The following PARVB variants were observed in gnomAD, a reference collection of about 807,000 sequenced individuals.
PARVB encodes the protein beta-parvin.
A neutral mutation model predicts 47.0 loss-of-function variants in PARVB; 46 were observed. The ratio of observed to expected loss-of-function variants is 0.98; its 90% confidence interval spans 0.77 to 1.25. PARVB has a LOEUF of 1.25. PARVB is among the 50% of genes most tolerant of loss of function. The pLI is 0.00. For synonymous variants in PARVB, 196 were observed against 196.3 expected (o/e 1.00, Z 0.01); for missense variants, 473 against 471.6 (o/e 1.00, Z -0.03).
chr22:44,065,997 G>A (rs2051515819), intron 1 of PARVB, among the ~76,000 whole-genome samples: 2 of 152,094 alleles, frequency 1.3e-5, no homozygotes, highest in Non-Finnish European at 2.9e-5. Context: ...TTTGTCTGAT[G>A]ACTTCTTTTC....
chr22:44,148,095 G>A (rs971178272), intron 9 of PARVB, 173 bp downstream of exon 9: 37 of 633,662 alleles, frequency 5.8e-5, no homozygotes, highest in Middle Eastern at 4.2e-4. Context: ...TAAAATCAGC[G>A]CCTTTTAACT....
At chr22:44,140,711 C>T (rs1443904690) in intron 8 of PARVB, 4 of 428,104 alleles carry the variant, frequency 9.3e-6, no homozygotes, top group African/African-American at 2.0e-5. Flanking sequence ...GCAGGGGCTG[C>T]TGTGAGTATT....
chr22:44,004,747 C>T (rs113952374), intron 2 of PARVB, among the ~76,000 whole-genome samples: 9 of 152,306 alleles, frequency 5.9e-5, no homozygotes, highest in African/African-American at 2.2e-4. Context: ...CTGGTGATCA[C>T]CTTAATTTAA....
chr22:44,050,553 G>C lies in PARVB; in HGVS notation c.112+26102G>C, dbSNP rs928263968. On this transcript the variant is annotated intron_variant, in intron 1 of 12. Coordinates refer to ENST00000338758, the MANE Select transcript of PARVB (RefSeq NM_013327.5). ...GGGTTTCTCCATGTTGGTCAGGCTG[G>C]TCTCGAACTCCTGACCCCAGGTGAT... 3.9e-5 allele frequency among the ~76,000 whole-genome samples: 6 copies of C among 152,044 alleles called. No individual in the cohort carries two copies. In the East Asian group the frequency reaches 1.2e-3, roughly 29 times the overall value.
intron 9 of PARVB, 108 bp downstream of exon 9, chr22:44,148,030 A>T (rs1374972768): frequency 1.3e-5 from 11 of 865,360 alleles, no homozygotes; most frequent in Non-Finnish European, 2.1e-5. Context: ...AATCTCAGAA[A>T]TGTTTGCCAC....
chr22:44,140,369 G>C, intron 8 of PARVB: 1 of 711,644 alleles, frequency 1.4e-6, no homozygotes, highest in Admixed American at 1.9e-5. Context: ...GGAGGAGTGG[G>C]GTGGAAGGCT....
chr22:44,068,333 G>A lies in PARVB; in HGVS notation c.113-25595G>A, dbSNP rs1229558030. ...GGAACCCAGACCAGACAGAGAGCCC[G>A]CCTGTGTCACCTGGTAGGGAGGGGC... On this transcript the variant is annotated intron_variant, in intron 1 of 12. Coordinates refer to ENST00000338758, the MANE Select transcript of PARVB (RefSeq NM_013327.5). This position sits in a 1 kb window ranked among gnomAD's most constrained non-coding sequence, Gnocchi z 4.1. Among the ~76,000 whole-genome samples, 6 of 152,182 alleles carry A rather than the reference G, an allele frequency of 3.9e-5. No homozygotes were observed. Among genetic ancestry groups the A allele is most frequent in the Non-Finnish European group, 5.9e-5 (4 of 68,032 alleles).
intron 1 of PARVB, among the ~76,000 whole-genome samples, chr22:44,062,738 C>T (rs2896024): frequency 0.37 from 56,131 of 152,022 alleles, 10,927 homozygotes; most frequent in Middle Eastern, 0.51. Context: ...CAGGAGGAGG[C>T]ACACAGGGTG....
rs972478979 is a variant in PARVB at position 44,125,735 on chromosome 22, T to C, written c.377-5752T>C. Among the ~76,000 whole-genome samples the C allele has an allele frequency of 2.6e-5, 4 of 152,026 alleles. No individual in the cohort carries two copies. The highest frequency in any genetic ancestry group is 5.9e-5 in the Non-Finnish European group (4 of 68,006). Reference sequence around the variant, plus strand: ...GTCTATTCCAAGTGACAGGAAGCCATTGGAGGTTTTGGGTAGGGCTGTGAC... The same window carrying C: ...GTCTATTCCAAGTGACAGGAAGCCACTGGAGGTTTTGGGTAGGGCTGTGAC... On this transcript the variant is annotated intron_variant, in intron 4 of 12. Coordinates refer to ENST00000338758, the MANE Select transcript of PARVB (RefSeq NM_013327.5). This position sits in a 1 kb window ranked among gnomAD's most constrained non-coding sequence, Gnocchi z 4.1.
At chr22:44,167,695 GGGTGTGTCCCC>G (rs2054198687) in intron 12 of PARVB, among the ~76,000 whole-genome samples, 1 of 59,728 alleles carries the variant, frequency 1.7e-5, no homozygotes, top group South Asian at 7.6e-4. Flanking sequence ...ACAGAGCCCC[GGGTGTGTCCCC>G]AAGCCCGCCG....
chr22:44,013,140 C>T (rs1569049022), intron 2 of PARVB, among the ~76,000 whole-genome samples: 1 of 152,070 alleles, frequency 6.6e-6, no homozygotes, highest in South Asian at 2.1e-4. Context: ...TCAGGTGATC[C>T]GTCTGCCTCG....
At chr22:44,119,268 C>A in intron 4 of PARVB, 128 bp downstream of exon 4, 1 of 706,968 alleles carries the variant, frequency 1.4e-6, no homozygotes, top group Non-Finnish European at 2.5e-6. Context: ...CTGCAGTGTG[C>A]ATCTCCCAGG....
intron 1 of PARVB, among the ~76,000 whole-genome samples, chr22:44,043,403 G>T (rs2051054444): frequency 6.6e-6 from 1 of 152,078 alleles, no homozygotes; most frequent in Non-Finnish European, 1.5e-5. Context: ...TTTTGAGACG[G>T]AGTCTTGCTC....
intron 1 of PARVB, among the ~76,000 whole-genome samples, chr22:44,077,242 T>C (rs933334240): frequency 6.6e-6 from 1 of 152,174 alleles, no homozygotes; most frequent in Admixed American, 6.5e-5. Context: ...CTTGGCCTCT[T>C]CCAGGCTGTG....
At chr22:44,066,183 G>A (rs2051519734) in intron 1 of PARVB, among the ~76,000 whole-genome samples, 2 of 152,160 alleles carry the variant, frequency 1.3e-5, no homozygotes, top group Non-Finnish European at 2.9e-5. Flanking sequence ...CACCATCCAA[G>A]TTACCGTTTT....
chr22:44,045,931 G>A lies in PARVB; in HGVS notation c.112+21480G>A, dbSNP rs148546630. Reference sequence around the variant, plus strand: ...CGAGATTCCGTATGAGTTTTAGGGCGTGATTTTCTATTTCTGCAACGAGCC... The same window carrying A: ...CGAGATTCCGTATGAGTTTTAGGGCATGATTTTCTATTTCTGCAACGAGCC... On this transcript the variant is annotated intron_variant, in intron 1 of 12. Transcript: ENST00000338758. Among the ~76,000 whole-genome samples the A allele has an allele frequency of 2.6e-4, 39 of 152,272 alleles. No homozygotes were observed. In the East Asian group the frequency reaches 6.4e-3, roughly 25 times the overall value.
chr22:44,039,995 A>G (rs1410917563), intron 1 of PARVB: 2 of 363,448 alleles, frequency 5.5e-6, no homozygotes, highest in South Asian at 2.0e-5. Flanking sequence ...CACTTTTACA[A>G]TGTTCTACAG....
At chr22:44,167,971 C>T (rs748517495) in intron 12 of PARVB, 41 of 152,720 alleles carry the variant, frequency 2.7e-4, no homozygotes, top group Non-Finnish European at 4.0e-4. Context: ...TCTCAGTAAC[C>T]GATGTCGTTT....
At chr22:44,012,348 TG>T (rs2146854781) in intron 2 of PARVB, among the ~76,000 whole-genome samples, 1 of 152,348 alleles carries the variant, frequency 6.6e-6, no homozygotes, top group Non-Finnish European at 1.5e-5. Flanking sequence ...GAAAGACGGT[TG>T]ATCAGTGTAG....
Sources: allele counts gnomAD v4.1 joint callset (sites outside exome capture counted in the v4.1 genomes callset), GRCh38; gene constraint gnomAD v4.1.1; non-coding constraint Gnocchi (gnomAD v3.1); transcripts MANE v1.5; gene names NCBI Gene and HGNC (gene_info 2026-07-23, HGNC 2026-07-21).